Variants in FAIM2 observed in about 807,000 individuals in gnomAD.
FAIM2 encodes the protein Fas apoptotic inhibitory molecule 2, also known as protein lifeguard 2.
FAIM2 carries 27 observed loss-of-function variants against 47.4 expected under a neutral mutation model. The observed-to-expected ratio is 0.57, with a 90% CI of 0.42 to 0.78. The LOEUF is 0.78. Ranked by LOEUF, FAIM2 falls within the 30% of genes least tolerant of loss-of-function variation. The pLI, the probability that FAIM2 is intolerant of heterozygous loss-of-function variation, is 0.00. For missense variants in FAIM2, 311 were observed against 389.4 expected (o/e 0.80, Z 1.69); for synonymous variants, 156 against 159.3 (o/e 0.98, Z 0.16).
intron 11 of FAIM2, among the ~76,000 whole-genome samples, chr12:49,886,088 C>G (rs1338268273): frequency 6.6e-6 from 1 of 152,214 alleles, no homozygotes; most frequent in African/African-American, 2.4e-5. Context: ...TTGAATTGAG[C>G]TGAACGTTCC....
chr12:49,891,816 G>A (rs1223638915), intron 5 of FAIM2, among the ~76,000 whole-genome samples: 2 of 152,340 alleles, frequency 1.3e-5, no homozygotes, highest in South Asian at 2.1e-4. Context: ...CGTCCAGTGG[G>A]AGGCTGGCAG....
In FAIM2 at chr12:49,879,010, GTGTGTA is replaced by G. The variant is rs895530246; in HGVS notation, c.802-8363_802-8358del. On this transcript the variant is annotated intron_variant, in intron 11 of 11. Transcript: ENST00000320634. ...TATGAGTGTATCTGTGTATGTGCAT[GTGTGTA>G]TGTGTATGTGTGTGTCTGTGTGCAT... Among the ~76,000 whole-genome samples, 30 of 130,914 alleles carry G rather than the reference GTGTGTA, an allele frequency of 2.3e-4. 6 individuals are homozygous for G. Among genetic ancestry groups the G allele is most frequent in the Middle Eastern group, 3.3e-3 (1 of 300 alleles). 85.9% of individuals were successfully genotyped at this position (130,914 alleles called of 152,430 possible). A position where few individuals can be genotyped will look rare whatever the true frequency, so the allele number is the denominator to read the frequency against.
intron 11 of FAIM2, among the ~76,000 whole-genome samples, chr12:49,883,502 G>A (rs1176170153): frequency 6.6e-6 from 1 of 152,020 alleles, no homozygotes; most frequent in Non-Finnish European, 1.5e-5. Context: ...CAGGGGAAGG[G>A]GCAGGAGCTT....
chr12:49,897,043 T>C lies in FAIM2; in HGVS notation c.422A>G (p.Tyr141Cys). 6.2e-7 allele frequency: 1 copy of C among 1,613,488 alleles called. No homozygotes were observed. ...KDYVQANPGW[Y>C]WASYAVFFAT... ...GAGATATACTCACTAGGATGCCCAG[T>C]ACCAGCCTGGGTTGGCCTGGACATA... The change falls in exon 5 of 12, where the codon TAC (tyrosine) becomes TGC (cysteine). Residue 141 changes from tyrosine to cysteine, a missense_variant. Tyr to Cys is a radical substitution (Grantham distance 194, BLOSUM62 -2). Transcript: ENST00000320634.
At chr12:49,881,266 C>T (rs995543726) in intron 11 of FAIM2, among the ~76,000 whole-genome samples, 1 of 152,124 alleles carries the variant, frequency 6.6e-6, no homozygotes, top group Admixed American at 6.5e-5. Context: ...CACTAATCTT[C>T]CTTAAAGCAC....
chr12:49,890,062 G>A, intron 8 of FAIM2, 55 bp downstream of exon 8: 1 of 1,570,794 alleles, frequency 6.4e-7, no homozygotes, highest in Non-Finnish European at 8.8e-7. Context: ...TGTGGCTGGT[G>A]CCTGGCTCCA....
At chr12:49,878,884 A>AGG (rs371070322) in intron 11 of FAIM2, among the ~76,000 whole-genome samples, 17,355 of 72,684 alleles carry the variant, frequency 0.24, 3,053 homozygotes, top group African/African-American at 0.36. Context: ...GTGTGTATGC[A>AGG]TGTGTATATG....
chr12:49,902,661 G>A (rs1258412747), intron 1 of FAIM2, among the ~76,000 whole-genome samples: 3 of 151,806 alleles, frequency 2.0e-5, no homozygotes, highest in African/African-American at 4.8e-5. Flanking sequence ...CCATGTTTAC[G>A]GAACTGAACA....
intron 11 of FAIM2, among the ~76,000 whole-genome samples, chr12:49,877,833 C>T (rs561765906): frequency 1.0e-3 from 149 of 149,322 alleles, no homozygotes; most frequent in South Asian, 2.2e-3. Flanking sequence ...TGTCTATGTG[C>T]GTATATGTGT....
Position 49,878,372 on chromosome 12 carries a change from A to G in FAIM2, c.802-7719T>C, listed in dbSNP as rs146409634. Among the ~76,000 whole-genome samples the G allele has an allele frequency of 1.4e-4, 5 of 36,318 alleles. 1 individual carries two copies. In the South Asian group the frequency reaches 2.6e-3, roughly 19 times the overall value. The allele number at this position is 36,318 out of a possible 152,430, so 23.8% of individuals were successfully genotyped here. A position where few individuals can be genotyped will look rare whatever the true frequency, so the allele number is the denominator to read the frequency against. ...TGTGTGCATGTGTGTATATGTGGGC[A>G]TGTGCATGTGTGTATATGTGTGTGT... On this transcript the variant is annotated intron_variant, in intron 11 of 11. Transcript: ENST00000320634.
chr12:49,887,520 G>A, intron 10 of FAIM2, 81 bp from the exon 11 acceptor site: 1 of 1,235,084 alleles, frequency 8.1e-7, no homozygotes. Context: ...TCAGTCCAGA[G>A]AATGGAGGAC....
intron 7 of FAIM2, 121 bp downstream of exon 7, chr12:49,890,562 C>G: frequency 2.2e-6 from 2 of 909,986 alleles, no homozygotes; most frequent in Non-Finnish European, 3.7e-6. Flanking sequence ...CACCCCTGCC[C>G]CGCCAGGGAC....
At chr12:49,884,937 G>C (rs1946851038) in intron 11 of FAIM2, among the ~76,000 whole-genome samples, 1 of 152,114 alleles carries the variant, frequency 6.6e-6, no homozygotes, top group African/African-American at 2.4e-5. Context: ...TCGCGCTACT[G>C]CACTCCAGCC....
chr12:49,901,070 T>C (rs1946978060), intron 2 of FAIM2, 60 bp downstream of exon 2: 2 of 1,376,842 alleles, frequency 1.5e-6, no homozygotes, highest in Non-Finnish European at 1.9e-6. Context: ...TACTCAGGTT[T>C]TCCCTCTGGG....
At chr12:49,880,469 C>T (rs201372588) in intron 11 of FAIM2, among the ~76,000 whole-genome samples, 1 of 83,278 alleles carries the variant, frequency 1.2e-5, no homozygotes, top group Non-Finnish European at 2.4e-5. Context: ...TGTGTGTGTG[C>T]ATGAGTGCAT....
At position 49,897,092 on chromosome 12, in the gene FAIM2, G is replaced by A. The variant is rs1202959521; in HGVS notation, c.381-8C>T. 6.2e-7 allele frequency: 1 copy of A among 1,611,988 alleles called. No homozygotes were observed. Among genetic ancestry groups the A allele is most frequent in the African/African-American group, 1.3e-5 (1 of 74,876 alleles). On this transcript the variant is annotated splice_polypyrimidine_tract_variant and splice_region_variant and intron_variant, in intron 4 of 11. Transcript: ENST00000320634. ...TAGTCCTTGACAGGGTCACTGCAGA[G>A]AAGAGAGAGTGGGAGAGAGAGTCAG...
chr12:49,883,271 C>T, intron 11 of FAIM2, among the ~76,000 whole-genome samples: 1 of 152,082 alleles, frequency 6.6e-6, no homozygotes. Flanking sequence ...CTGCAGGAGG[C>T]CATGGCAACA....
At chr12:49,891,745 C>G (rs1946901778) in intron 5 of FAIM2, among the ~76,000 whole-genome samples, 1 of 152,198 alleles carries the variant, frequency 6.6e-6, no homozygotes, top group Non-Finnish European at 1.5e-5. Flanking sequence ...TTCTGTCCTG[C>G]CAGCACCTGG....
rs544199127 is a variant in FAIM2 at position 49,903,855 on chromosome 12, G to A, written c.-63C>T. 8.6e-5 allele frequency: 127 copies of A among 1,470,982 alleles called. No homozygotes were observed. Among genetic ancestry groups the A allele is most frequent in the Non-Finnish European group, 1.1e-4 (120 of 1,098,960 alleles). 91.1% of individuals were successfully genotyped at this position (1,470,982 alleles called of 1,614,324 possible). The stretch of plus-strand genomic sequence containing the variant: ...GTGGCCGCTTGGGTAACCGCAGCCT[G>A]CCTGCGTCTCTTCCTTCCTCCGCGT... On this transcript the variant is annotated 5_prime_UTR_variant, in exon 1 of 12. Transcript: ENST00000320634.
Sources: allele counts gnomAD v4.1 joint callset (sites outside exome capture counted in the v4.1 genomes callset), GRCh38; gene constraint gnomAD v4.1.1; transcripts MANE v1.5; gene names NCBI Gene and HGNC (gene_info 2026-07-23, HGNC 2026-07-21).